Variants in SRGAP1 observed in about 807,000 individuals in gnomAD.
The protein encoded by SRGAP1 is SLIT-ROBO Rho GTPase-activating protein 1.
A neutral mutation model predicts 121.9 loss-of-function variants in SRGAP1; 43 were observed. The observed-to-expected ratio is 0.35, with a 90% CI of 0.28 to 0.46. The LOEUF (loss-of-function observed/expected upper bound fraction) is 0.46, where lower values mean the gene tolerates loss of function less well. Among genes scored for constraint, SRGAP1 ranks in the 20% least tolerant of loss-of-function variants. SRGAP1 has a pLI of 1.00. For missense variants in SRGAP1, 1,102 were observed against 1,350.9 expected (o/e 0.82, Z 2.89); for synonymous variants, 447 against 485.4 (o/e 0.92, Z 1.04).
At chr12:63,852,259 G>A (rs978346517) in intron 1 of SRGAP1, among the ~76,000 whole-genome samples, 2 of 152,216 alleles carry the variant, frequency 1.3e-5, no homozygotes, top group African/African-American at 4.8e-5. Context: ...GCCTCCCAAA[G>A]TGCTGGGATT....
At chr12:64,070,392 G>A (rs540541786) in intron 8 of SRGAP1, among the ~76,000 whole-genome samples, 6 of 152,098 alleles carry the variant, frequency 3.9e-5, no homozygotes, top group Non-Finnish European at 5.9e-5. Flanking sequence ...TTTTAATAGC[G>A]TGCCCCATTT....
intron 6 of SRGAP1, among the ~76,000 whole-genome samples, chr12:64,051,835 TC>T (rs2035244737): frequency 2.6e-5 from 4 of 152,202 alleles, no homozygotes; most frequent in Admixed American, 2.6e-4. Flanking sequence ...GTAGAAAATC[TC>T]TAATCATTTA....
At chr12:63,915,596 A>G (rs2136321276) in intron 1 of SRGAP1, among the ~76,000 whole-genome samples, 1 of 152,364 alleles carries the variant, frequency 6.6e-6, no homozygotes, top group Admixed American at 6.5e-5. Context: ...AGCTGGAGAC[A>G]CTGAGTGATC....
At chr12:64,061,983 T>C (rs536244486) in intron 6 of SRGAP1, among the ~76,000 whole-genome samples, 47 of 152,328 alleles carry the variant, frequency 3.1e-4, no homozygotes, top group African/African-American at 1.0e-3. Context: ...ATAATACTGC[T>C]ATAAACATTT....
Position 64,148,764 on chromosome 12 carries a change from TG to T in SRGAP1, c.*6093del, listed in dbSNP as rs1226598788. 6.6e-6 allele frequency: 1 copy of T among 152,224 alleles called. No homozygotes were observed. The highest frequency in any genetic ancestry group is 2.4e-5 in the African/African-American group (1 of 41,450). 9.4% of individuals were successfully genotyped at this position (152,224 alleles called of 1,614,324 possible). On this transcript the variant is annotated 3_prime_UTR_variant, in exon 22 of 22. Transcript: ENST00000355086. ...TTAAAGTGCAGAATACTAACAAAAG[TG>T]TGCAAATCATTAGTGTAACAGTTCT...
chr12:64,049,000 A>C (rs2136515061), intron 6 of SRGAP1, among the ~76,000 whole-genome samples: 2 of 152,150 alleles, frequency 1.3e-5, no homozygotes, highest in Non-Finnish European at 2.9e-5. Flanking sequence ...GAAGCTTTTT[A>C]ACTTGATGTG....
At chr12:64,001,635 GGACATCTTA>G (rs1367137923) in intron 3 of SRGAP1, among the ~76,000 whole-genome samples, 2 of 152,292 alleles carry the variant, frequency 1.3e-5, no homozygotes, top group African/African-American at 2.4e-5. Context: ...CATATATTGA[GGACATCTTA>G]GATCATCCAA....
At chr12:64,052,263 A>G (rs1364765380) in intron 6 of SRGAP1, among the ~76,000 whole-genome samples, 1 of 151,870 alleles carries the variant, frequency 6.6e-6, no homozygotes, top group African/African-American at 2.4e-5. Flanking sequence ...TAACATTAAA[A>G]GGAACATAAC....
In SRGAP1 at chr12:64,063,051, G is replaced by C. The variant is rs780449158; in HGVS notation, c.936G>C (p.Arg312Ser). 6.2e-7 allele frequency: 1 copy of C among 1,614,070 alleles called. No individual in the cohort carries two copies. Among genetic ancestry groups the C allele is most frequent in the Non-Finnish European group, 8.5e-7 (1 of 1,179,996 alleles). ...IENAVDNLEPRSDKQRFMEMY... is the reference protein window; with the variant it reads ...IENAVDNLEPSSDKQRFMEMY... ...ATGCAGTTGATAATTTAGAGCCCAGGAGCGATAAGCAGAGATTCATGGAGA... is the reference window on the plus strand; with the variant it reads ...ATGCAGTTGATAATTTAGAGCCCAGCAGCGATAAGCAGAGATTCATGGAGA... The change falls in exon 7 of 22, where the codon AGG becomes AGC. Residue 312 changes from arginine (R) to serine (S), a missense_variant. This residue lies in a region of SRGAP1 where 747 missense variants were observed against 929.4 expected (regional missense o/e 0.80). Coordinates refer to ENST00000355086, the MANE Select transcript of SRGAP1 (RefSeq NM_020762.4).
At chr12:64,113,205 C>T (rs1347709983) in intron 17 of SRGAP1, among the ~76,000 whole-genome samples, 1 of 151,924 alleles carries the variant, frequency 6.6e-6, no homozygotes, top group East Asian at 1.9e-4. Flanking sequence ...GTCAGGAGTT[C>T]GAGACCAGCC....
chr12:64,120,185 G>C (rs12829786), intron 18 of SRGAP1, among the ~76,000 whole-genome samples: 4,356 of 152,174 alleles, frequency 0.029, 87 homozygotes, highest in Non-Finnish European at 0.041. Flanking sequence ...CAGAATATGT[G>C]TCTGATAATT....
rs76766043 is a variant in SRGAP1 at position 64,087,061 on chromosome 12, T to C, written c.1436+35T>C. 5.6e-3 allele frequency: 8,433 copies of C among 1,509,586 alleles called. 384 individuals are homozygous for C. In the Admixed American group the frequency reaches 0.093, roughly 17 times the overall value. The allele number at this position is 1,509,586 out of a possible 1,614,324, so 93.5% of individuals were successfully genotyped here. A position where few individuals can be genotyped will look rare whatever the true frequency, so the allele number is the denominator to read the frequency against. ...TATTTTATCATAACTTATAGCGTAT[T>C]TTACTTTCTCTTTAACAAGAAGCAA... On this transcript the variant is annotated intron_variant, in intron 11 of 21. Coordinates refer to ENST00000355086, the MANE Select transcript of SRGAP1 (RefSeq NM_020762.4).
Position 63,946,722 on chromosome 12 carries a change from T to A in SRGAP1, c.68-37225T>A, listed in dbSNP as rs76918200. Among the ~76,000 whole-genome samples the A allele has an allele frequency of 2.2e-3, 332 of 152,160 alleles. 4 individuals are homozygous for A. In the East Asian group the frequency reaches 0.059, roughly 27 times the overall value. On this transcript the variant is annotated intron_variant, in intron 1 of 21. Transcript: ENST00000355086. ...CCATGCCCGGCTAATTTTTTCTATT[T>A]TTAGTAGAGACGGGGTTTCTCCATG...
intron 12 of SRGAP1, among the ~76,000 whole-genome samples, chr12:64,091,701 G>A (rs968772459): frequency 7.9e-5 from 12 of 152,148 alleles, no homozygotes; most frequent in African/African-American, 2.7e-4. Context: ...TCATGCAAAT[G>A]AGATGGCACA....
In SRGAP1 at chr12:64,079,035, T is replaced by C; in HGVS notation, c.1242T>C (p.Thr414=). 1 of 1,614,144 alleles carries C rather than the reference T, an allele frequency of 6.2e-7. No individual in the cohort carries two copies. The highest frequency in any genetic ancestry group is 1.3e-5 in the African/African-American group (1 of 75,050). ...GTTCCACAGAATCAGTGAAGTCCAC[T>C]GTCTCTGAAACCTACCTGAGTAAAC... ...HSRSTESVKS[T]VSETYLSKPS... Residue 414 remains threonine, a synonymous_variant, in exon 9 of 22, where the codon ACT becomes ACC. Transcript: ENST00000355086.
intron 1 of SRGAP1, among the ~76,000 whole-genome samples, chr12:63,919,516 A>G (rs1425370593): frequency 6.7e-6 from 1 of 148,196 alleles, no homozygotes; most frequent in African/African-American, 2.6e-5. Context: ...ATATATATAT[A>G]TATATACACA....
Position 64,156,146 on chromosome 12 carries a change from C to T in SRGAP1, c.*13474C>T, listed in dbSNP as rs1257395425. On this transcript the variant is annotated 3_prime_UTR_variant, in exon 22 of 22. Transcript: ENST00000355086. ...TAGATCTATTGCCTACAGAGCCGCA[C>T]GTTTAACTACTGTTATCTTGCCTCC... The T allele has an allele frequency of 7.2e-5, 11 of 152,182 alleles. No individual in the cohort carries two copies. The highest frequency in any genetic ancestry group is 6.2e-4 in the South Asian group (3 of 4,830). 9.4% of individuals were successfully genotyped at this position (152,182 alleles called of 1,614,324 possible).
chr12:63,925,898 T>G (rs1225234012), intron 1 of SRGAP1, among the ~76,000 whole-genome samples: 1 of 152,168 alleles, frequency 6.6e-6, no homozygotes, highest in African/African-American at 2.4e-5. Flanking sequence ...ATTATGCCTT[T>G]CACACTTCCC....
chr12:64,039,833 C>T (rs945126499), intron 4 of SRGAP1, among the ~76,000 whole-genome samples: 1 of 152,070 alleles, frequency 6.6e-6, no homozygotes, highest in Non-Finnish European at 1.5e-5. Context: ...TTTTCATTTC[C>T]CAGCTGCTCA....
Sources: allele counts gnomAD v4.1 joint callset (sites outside exome capture counted in the v4.1 genomes callset), GRCh38; gene constraint gnomAD v4.1.1; regional missense constraint gnomAD v4.1.1; transcripts MANE v1.5; gene names NCBI Gene and HGNC (gene_info 2026-07-23, HGNC 2026-07-21).